Variants in SLC7A11 observed in about 807,000 individuals in gnomAD.
SLC7A11 encodes the protein solute carrier family 7 member 11, also known as cystine/glutamate transporter.
A neutral mutation model predicts 54.5 loss-of-function variants in SLC7A11; 35 were observed. The ratio of observed to expected loss-of-function variants is 0.64; its 90% confidence interval spans 0.49 to 0.85. The LOEUF (loss-of-function observed/expected upper bound fraction) is 0.85. SLC7A11 is among the 40% of genes least tolerant of loss of function. SLC7A11 has a pLI of 0.00. For missense variants in SLC7A11, 583 were observed against 618.1 expected, an observed-to-expected ratio of 0.94 and a Z score of 0.60; for synonymous variants, 230 against 225.2, an observed-to-expected ratio of 1.02 and a Z score of -0.19.
At chr4:138,236,988 T>C (rs909793436) in intron 1 of SLC7A11, among the ~76,000 whole-genome samples, 19 of 141,330 alleles carry the variant, frequency 1.3e-4, no homozygotes, top group African/African-American at 4.9e-4. Context: ...GATTTCTTTT[T>C]TTTTTTTTTT....
chr4:138,236,526 A>G (rs376009343), intron 1 of SLC7A11, 75 bp from the exon 2 acceptor site: 9 of 1,394,054 alleles, frequency 6.5e-6, no homozygotes, highest in African/African-American at 1.5e-5. Flanking sequence ...TAGATACAAT[A>G]ATGTTTATAT....
In SLC7A11 at chr4:138,179,317, A is replaced by T; in HGVS notation, c.1344T>A (p.Phe448Leu). ...MVALSLYSDP[F>L]STGIGFVITL... The stretch of plus-strand genomic sequence containing the variant: ...TGATGACGAAGCCAATCCCTGTACT[A>T]AATGGGTCCGAATAGAGGGAAAGGG... The change falls in exon 11 of 12, where the codon TTT (phenylalanine) becomes TTA (leucine). Residue 448 changes from phenylalanine to leucine, a missense_variant. By Grantham distance (22) the Phe-to-Leu change is conservative. Coordinates refer to ENST00000280612, the MANE Select transcript of SLC7A11 (RefSeq NM_014331.4). The T allele has an allele frequency of 6.2e-7, 1 of 1,612,698 alleles. No individual in the cohort carries two copies. Among genetic ancestry groups the T allele is most frequent in the East Asian group, 2.2e-5 (1 of 44,808 alleles).
At chr4:138,212,201 T>C (rs1450218209) in intron 6 of SLC7A11, among the ~76,000 whole-genome samples, 2 of 151,888 alleles carry the variant, frequency 1.3e-5, no homozygotes, top group Non-Finnish European at 2.9e-5. Flanking sequence ...GGTTTGACAC[T>C]AAAAGTTTAG....
At chr4:138,240,223 C>T (rs1391145928) in intron 1 of SLC7A11, among the ~76,000 whole-genome samples, 2 of 152,142 alleles carry the variant, frequency 1.3e-5, no homozygotes, top group African/African-American at 4.8e-5. Flanking sequence ...ATAAATCTTT[C>T]TATACTACTT....
At chr4:138,196,061 A>G (rs950261690) in intron 6 of SLC7A11, among the ~76,000 whole-genome samples, 29 of 152,214 alleles carry the variant, frequency 1.9e-4, no homozygotes, top group African/African-American at 6.0e-4. Flanking sequence ...GCAGCTTAAC[A>G]GAGAAAGGAA....
chr4:138,221,968 CA>C (rs1321634263), intron 4 of SLC7A11, among the ~76,000 whole-genome samples: 1 of 152,160 alleles, frequency 6.6e-6, no homozygotes, highest in African/African-American at 2.4e-5. Flanking sequence ...AAAGCACTAA[CA>C]AAACAGATTA....
At chr4:138,196,826 A>AT (rs1470450268) in intron 6 of SLC7A11, among the ~76,000 whole-genome samples, 1 of 151,792 alleles carries the variant, frequency 6.6e-6, no homozygotes, top group African/African-American at 2.4e-5. Flanking sequence ...CACTCAGCTT[A>AT]TTTTTGTATT....
In SLC7A11 at chr4:138,238,878, T is replaced by C. The variant is rs142168725; in HGVS notation, c.278-2427A>G. ...TCAGCCTCCCAATGTGCTGAGATTATAGGCATGAGCCACCATGCTCAGTCT... is the reference window on the plus strand; with the variant it reads ...TCAGCCTCCCAATGTGCTGAGATTACAGGCATGAGCCACCATGCTCAGTCT... On this transcript the variant is annotated intron_variant, in intron 1 of 11. Transcript: ENST00000280612. Among the ~76,000 whole-genome samples, 840 of 152,260 alleles carry C rather than the reference T, an allele frequency of 5.5e-3. 13 individuals are homozygous for C. The highest frequency in any genetic ancestry group is 5.7e-3 in the Admixed American group (87 of 15,292).
rs1328606074 is a variant in SLC7A11, at chr4:138,237,714, T to C, written c.278-1263A>G. On this transcript the variant is annotated intron_variant, in intron 1 of 11. Coordinates refer to ENST00000280612, the MANE Select transcript of SLC7A11 (RefSeq NM_014331.4). ...CGCCTAGCCAGAATATATATATATA[T>C]ATATATATATATATATATATATATT... Among the ~76,000 whole-genome samples, 29 of 6,896 alleles carry C rather than the reference T, an allele frequency of 4.2e-3. 2 individuals carry two copies. In the South Asian group the frequency reaches 0.089, roughly 21 times the overall value. The allele number at this position is 6,896 out of a possible 152,430, so 4.5% of individuals were successfully genotyped here. A position where few individuals can be genotyped will look rare whatever the true frequency, so the allele number is the denominator to read the frequency against.
chr4:138,185,425 T>C (rs550951837), intron 6 of SLC7A11, among the ~76,000 whole-genome samples, 181 bp from the exon 7 acceptor site: 6 of 152,236 alleles, frequency 3.9e-5, no homozygotes, highest in African/African-American at 1.4e-4. Flanking sequence ...TGTAACTTAA[T>C]AAGGTCCATG....
chr4:138,237,730 TATATATA>T (rs1167713052), intron 1 of SLC7A11, among the ~76,000 whole-genome samples: 14 of 12,804 alleles, frequency 1.1e-3, no homozygotes, highest in South Asian at 2.6e-3. Context: ...TATATATATA[TATATATA>T]TTTTTTTTTT....
At chr4:138,221,713 C>A (rs1016610637) in intron 4 of SLC7A11, among the ~76,000 whole-genome samples, 6 of 152,128 alleles carry the variant, frequency 3.9e-5, no homozygotes, top group Non-Finnish European at 7.4e-5. Flanking sequence ...ATTTGGGCAA[C>A]CAAACCCTTC....
At chr4:138,203,256 AC>A (rs1737330850) in intron 6 of SLC7A11, among the ~76,000 whole-genome samples, 1 of 152,020 alleles carries the variant, frequency 6.6e-6, no homozygotes, top group Non-Finnish European at 1.5e-5. Context: ...CATTTTTTCA[AC>A]CTGAATATCC....
At chr4:138,228,758 C>CAAAAAAAAAAAAA (rs5862371) in intron 3 of SLC7A11, among the ~76,000 whole-genome samples, 3 of 67,776 alleles carry the variant, frequency 4.4e-5, no homozygotes, top group African/African-American at 6.0e-5. Context: ...GACTCCGTCT[C>CAAAAAAAAAAAAA]AAAAAAAAAA....
rs1000227533 is a variant in SLC7A11, at chr4:138,167,971, A to G, written c.*3985T>C. The G allele has an allele frequency of 5.3e-5, 8 of 152,212 alleles. No individual in the cohort carries two copies. The highest frequency in any genetic ancestry group is 1.3e-4 in the Admixed American group (2 of 15,274). The allele number at this position is 152,212 out of a possible 1,614,324, so 9.4% of individuals were successfully genotyped here. ...GTGAAACTATCTCCCTATATATCACATCATATATATTGTGAGAAAGTCACT... is the reference window on the plus strand; with the variant it reads ...GTGAAACTATCTCCCTATATATCACGTCATATATATTGTGAGAAAGTCACT... On this transcript the variant is annotated 3_prime_UTR_variant, in exon 12 of 12. Coordinates refer to ENST00000280612, the MANE Select transcript of SLC7A11 (RefSeq NM_014331.4).
rs34757167 is a variant in SLC7A11 at position 138,232,381 on chromosome 4, G to A, written c.406C>T (p.Pro136Ser). Reference protein sequence around the residue: ...RVWVELLIIRPAATAVISLAF... With the variant: ...RVWVELLIIRSAATAVISLAF... ...AGGGATATCACAGCAGTAGCTGCAG[G>A]GCTAAAAAAAAATGTATATATTTAG... Residue 136 changes from proline (P) to serine (S), a missense_variant and splice_region_variant, in exon 3 of 12, where the codon CCT (proline) becomes TCT (serine). Coordinates refer to ENST00000280612, the MANE Select transcript of SLC7A11 (RefSeq NM_014331.4). 8.4e-4 allele frequency: 1,311 copies of A among 1,569,404 alleles called. 3 individuals are homozygous for A. The highest frequency in any genetic ancestry group is 1.1e-3 in the Non-Finnish European group (1,239 of 1,144,920).
intron 6 of SLC7A11, among the ~76,000 whole-genome samples, chr4:138,198,088 T>TA (rs898176498): frequency 6.1e-5 from 9 of 147,662 alleles, no homozygotes; most frequent in South Asian, 2.1e-4. Context: ...ATATCAGGTT[T>TA]AAAAAAAAAA....
intron 6 of SLC7A11, among the ~76,000 whole-genome samples, chr4:138,211,798 T>C (rs548894427): frequency 2.0e-5 from 3 of 151,764 alleles, no homozygotes; most frequent in Admixed American, 2.0e-4. Context: ...AAGACAAATA[T>C]TGTATGTTTT....
Position 138,171,946 on chromosome 4 carries a change from G to T in SLC7A11, c.*10C>A, listed in dbSNP as rs1160699407. The T allele has an allele frequency of 2.5e-6, 4 of 1,583,834 alleles. No individual in the cohort carries two copies. Among genetic ancestry groups the T allele is most frequent in the Non-Finnish European group, 3.4e-6 (4 of 1,170,022 alleles). On this transcript the variant is annotated 3_prime_UTR_variant, in exon 12 of 12. Coordinates refer to ENST00000280612, the MANE Select transcript of SLC7A11 (RefSeq NM_014331.4). The stretch of plus-strand genomic sequence containing the variant: ...CTTGGGCAGATTGCCAAGATCTCAA[G>T]TCCATTAGTTCATAACTTATCTTCT...
Sources: allele counts gnomAD v4.1 joint callset (sites outside exome capture counted in the v4.1 genomes callset), GRCh38; gene constraint gnomAD v4.1.1; transcripts MANE v1.5; gene names NCBI Gene and HGNC (gene_info 2026-07-23, HGNC 2026-07-21).